ANKS1B: variants seen among roughly 807,000 people sequenced by gnomAD.
ANKS1B encodes ankyrin repeat and sterile alpha motif domain-containing protein 1B.
Under a neutral mutation model 148.3 loss-of-function variants are expected in ANKS1B, and 36 were observed. That is an observed-to-expected ratio of 0.24 (90% CI 0.19 to 0.32). The LOEUF is 0.32. Ranked by LOEUF, ANKS1B falls within the 10% of genes least tolerant of loss-of-function variation. The pLI is 1.00. For synonymous variants in ANKS1B, 542 were observed against 560.8 expected (o/e 0.97, Z 0.47); for missense variants, 1,157 against 1,542.6 (o/e 0.75, Z 4.19).
intron 14 of ANKS1B, among the ~76,000 whole-genome samples, chr12:99,193,396 G>A (rs545101244): frequency 2.0e-5 from 3 of 152,242 alleles, no homozygotes; most frequent in African/African-American, 7.2e-5. Flanking sequence ...GAACAAAGAG[G>A]TCCTGGTAAG....
At chr12:98,868,081 G>A (rs1325488834) in intron 17 of ANKS1B, among the ~76,000 whole-genome samples, 1 of 152,120 alleles carries the variant, frequency 6.6e-6, no homozygotes, top group African/African-American at 2.4e-5. Flanking sequence ...TCCTCTGTTT[G>A]TCTATCAAAC....
intron 22 of ANKS1B, chr12:98,795,538 A>G (rs898565113): frequency 2.4e-6 from 1 of 411,258 alleles, no homozygotes; most frequent in Non-Finnish European, 4.7e-6. Flanking sequence ...ATGATCTAGA[A>G]GCAGAGGAAT....
At chr12:98,886,607 A>G (rs114340563) in intron 17 of ANKS1B, among the ~76,000 whole-genome samples, 2,131 of 152,346 alleles carry the variant, frequency 0.014, 44 homozygotes, top group African/African-American at 0.046. Context: ...TAAATAACAC[A>G]TCATATTGTG....
intron 17 of ANKS1B, among the ~76,000 whole-genome samples, chr12:98,927,865 T>A (rs2099810139): frequency 6.6e-6 from 1 of 150,518 alleles, no homozygotes; most frequent in African/African-American, 2.4e-5. Flanking sequence ...AAAACACACC[T>A]CAAGGCACTG....
At chr12:99,564,754 C>A (rs1490204089) in intron 9 of ANKS1B, among the ~76,000 whole-genome samples, 1 of 152,108 alleles carries the variant, frequency 6.6e-6, no homozygotes, top group East Asian at 1.9e-4. Flanking sequence ...TACTTACTTA[C>A]ACTACTGCAA....
chr12:99,936,632 TAA>T (rs932782423), intron 1 of ANKS1B, among the ~76,000 whole-genome samples: 8 of 152,210 alleles, frequency 5.3e-5, no homozygotes, highest in Non-Finnish European at 1.2e-4. Flanking sequence ...TTATTCAATA[TAA>T]ACCATTCCTA....
rs534027022 is a variant in ANKS1B at position 99,162,686 on chromosome 12, G to C, written c.2420-8291C>G. On this transcript the variant is annotated intron_variant, in intron 14 of 26. Transcript: ENST00000683438. ...TGTTCGGATATATACGTATATGGGA[G>C]AGTATTTTTGGCATGGTTTCATCAA... Among the ~76,000 whole-genome samples the C allele has an allele frequency of 2.6e-5, 4 of 152,252 alleles. No individual in the cohort carries two copies. In the East Asian group the frequency reaches 7.7e-4, roughly 29 times the overall value.
At chr12:99,072,607 C>T (rs1047699033) in intron 16 of ANKS1B, among the ~76,000 whole-genome samples, 2 of 152,070 alleles carry the variant, frequency 1.3e-5, no homozygotes, top group Admixed American at 6.5e-5. Context: ...TCATTATCCC[C>T]TTAGTATCCT....
At chr12:99,541,837 G>A (rs1437915538) in intron 9 of ANKS1B, among the ~76,000 whole-genome samples, 1 of 148,066 alleles carries the variant, frequency 6.8e-6, no homozygotes, top group African/African-American at 2.5e-5. Context: ...CCTGGCAACA[G>A]AGCGAGACTC....
chr12:99,553,005 G>A (rs1379916600), intron 9 of ANKS1B, among the ~76,000 whole-genome samples: 2 of 152,028 alleles, frequency 1.3e-5, no homozygotes, highest in Non-Finnish European at 2.9e-5. Flanking sequence ...AGAACCCACG[G>A]ACACAGAGAG....
intron 9 of ANKS1B, among the ~76,000 whole-genome samples, chr12:99,650,503 G>A (rs1475482591): frequency 1.3e-5 from 2 of 152,154 alleles, no homozygotes; most frequent in African/African-American, 4.8e-5. Flanking sequence ...AATTTTCCCA[G>A]TCTCTTCATT....
At chr12:99,179,842 A>T (rs1037133632) in intron 14 of ANKS1B, among the ~76,000 whole-genome samples, 8 of 152,230 alleles carry the variant, frequency 5.3e-5, no homozygotes, top group Non-Finnish European at 7.3e-5. Context: ...TTACTATTAT[A>T]ATATCACTGT....
intron 19 of ANKS1B, 123 bp from the exon 20 acceptor site, chr12:98,808,041 C>T (rs2099064505): frequency 1.3e-6 from 1 of 757,906 alleles, no homozygotes. Flanking sequence ...AAAAAAAACT[C>T]AAAAAATGTT....
intron 9 of ANKS1B, among the ~76,000 whole-genome samples, chr12:99,526,415 T>C (rs774629195): frequency 6.6e-6 from 1 of 152,204 alleles, no homozygotes; most frequent in Non-Finnish European, 1.5e-5. Flanking sequence ...TTTACAGGCA[T>C]TGCATAATTA....
chr12:99,764,728 T>C (rs137930039), intron 8 of ANKS1B, among the ~76,000 whole-genome samples: 5 of 152,328 alleles, frequency 3.3e-5, no homozygotes, highest in African/African-American at 1.2e-4. Context: ...TGGCCAAGAA[T>C]AATCCATTTT....
chr12:99,872,156 C>T lies in ANKS1B; in HGVS notation c.135-46767G>A, dbSNP rs149759986. Among the ~76,000 whole-genome samples, 8 of 152,056 alleles carry T rather than the reference C, an allele frequency of 5.3e-5. No individual in the cohort carries two copies. The South Asian group carries it at 6.2e-4, about 12-fold the overall frequency. ...TAAGAACTACTCATGTATTTCCAGG[C>T]GGAGTATAAATTTTTTACAGCCACT... is the stretch of plus-strand genomic sequence containing the variant. On this transcript the variant is annotated intron_variant, in intron 1 of 26. Coordinates refer to ENST00000683438, the MANE Select transcript of ANKS1B (RefSeq NM_001352186.2).
intron 14 of ANKS1B, among the ~76,000 whole-genome samples, chr12:99,201,694 AG>A (rs2082089453): frequency 6.6e-6 from 1 of 152,198 alleles, no homozygotes; most frequent in South Asian, 2.1e-4. Context: ...AGTAGTAAAC[AG>A]TCTTTCTTAG....
chr12:99,880,148 A>G (rs1022353598), intron 1 of ANKS1B, among the ~76,000 whole-genome samples: 2 of 152,220 alleles, frequency 1.3e-5, no homozygotes, highest in African/African-American at 4.8e-5. Context: ...TATTCAATAT[A>G]TACAAACTAC....
Position 99,049,981 on chromosome 12 carries a change from T to C in ANKS1B, c.2778+3176A>G, listed in dbSNP as rs544007455. On this transcript the variant is annotated intron_variant, in intron 17 of 26. Transcript: ENST00000683438. ...TCACTTAACATAGAACAACAGTTACTGGAGCAATCTGGTTCCCTTAAAACT... is the reference window on the plus strand; with the variant it reads ...TCACTTAACATAGAACAACAGTTACCGGAGCAATCTGGTTCCCTTAAAACT... Among the ~76,000 whole-genome samples, 185 of 152,342 alleles carry C rather than the reference T, an allele frequency of 1.2e-3. 1 individual carries two copies. Among genetic ancestry groups the C allele is most frequent in the African/African-American group, 4.4e-3 (181 of 41,580 alleles).
Sources: gnomAD v4.1 joint callset for allele counts (sites outside exome capture counted in the v4.1 genomes callset) on GRCh38, gnomAD v4.1.1 for gene constraint, MANE v1.5 for transcripts, NCBI Gene and HGNC (gene_info 2026-07-23, HGNC 2026-07-21) for gene names.